The following SPTA1 variants were observed in gnomAD, a reference collection of about 807,000 sequenced individuals.
The protein encoded by SPTA1 is spectrin alpha, erythrocytic 1, also known as spectrin alpha chain, erythrocytic 1.
SPTA1 carries 177 observed loss-of-function variants against 324.7 expected under a neutral mutation model. That is an observed-to-expected ratio of 0.55 (90% CI 0.48 to 0.62). The LOEUF is 0.62. Among genes scored for constraint, SPTA1 ranks in the 20% least tolerant of loss-of-function variants. The pLI is 0.00. For missense variants in SPTA1, 3,162 were observed against 2,883.6 expected, an observed-to-expected ratio of 1.10 and a Z score of -2.21; for synonymous variants, 1,195 against 1,041.3, an observed-to-expected ratio of 1.15 and a Z score of -2.84.
At position 158,612,790 on chromosome 1, in the gene SPTA1, T is replaced by C. The variant is rs199503387; in HGVS notation, c.7134+27A>G. The C allele has an allele frequency of 1.9e-6, 3 of 1,613,134 alleles. 1 individual carries two copies. The Admixed American group carries it at 5.0e-5, about 27-fold the overall frequency. ...CAGAATTCAAATTAGGATGACAGTG[T>C]AGTAGGGGAAGCAACCAGAATCGGA... On this transcript the variant is annotated intron_variant, in intron 51 of 51. Coordinates refer to ENST00000643759, the MANE Select transcript of SPTA1 (RefSeq NM_003126.4).
rs1434849394 is a variant in SPTA1 at position 158,659,612 on chromosome 1, T to TTTTTTTTTTTTTTA, written c.2587+1674_2587+1675insTAAAAAAAAAAAAA. On this transcript the variant is annotated intron_variant, in intron 18 of 51. Transcript: ENST00000643759. Reference sequence around the variant, plus strand: ...TTAGCATTATTTTTTTTTTTTTTTTTTTTTTTTTTGAGACGGAGTCTCGCT... The same window carrying TTTTTTTTTTTTTTA: ...TTAGCATTATTTTTTTTTTTTTTTTTTTTTTTTTTTTTTATTTTTTTTTGAGACGGAGTCTCGCT... Among the ~76,000 whole-genome samples the TTTTTTTTTTTTTTA allele has an allele frequency of 5.6e-5, 2 of 35,632 alleles. 1 individual carries two copies. Among genetic ancestry groups the TTTTTTTTTTTTTTA allele is most frequent in the Non-Finnish European group, 8.4e-5 (2 of 23,854 alleles). The allele number at this position is 35,632 out of a possible 152,430, so 23.4% of individuals were successfully genotyped here.
At chr1:158,673,981 C>T (rs1040470724) in intron 10 of SPTA1, among the ~76,000 whole-genome samples, 7 of 152,046 alleles carry the variant, frequency 4.6e-5, no homozygotes, top group African/African-American at 1.4e-4. Flanking sequence ...CTAAATAATA[C>T]GGTATAACAA....
At chr1:158,623,673 A>G (rs1650072039) in intron 42 of SPTA1, among the ~76,000 whole-genome samples, 1 of 152,176 alleles carries the variant, frequency 6.6e-6, no homozygotes, top group Non-Finnish European at 1.5e-5. Context: ...CGCCATGATT[A>G]TAAGTTTCTT....
chr1:158,623,745 G>T (rs1650077765), intron 42 of SPTA1, among the ~76,000 whole-genome samples: 1 of 152,198 alleles, frequency 6.6e-6, no homozygotes, highest in African/African-American at 2.4e-5. Context: ...AAATTACCCA[G>T]TCTTGGGTAT....
At position 158,680,741 on chromosome 1, in the gene SPTA1, G is replaced by A. The variant is rs774303884; in HGVS notation, c.532-12C>T. On this transcript the variant is annotated splice_polypyrimidine_tract_variant and intron_variant, in intron 4 of 51. Coordinates refer to ENST00000643759, the MANE Select transcript of SPTA1 (RefSeq NM_003126.4). Reference sequence around the variant, plus strand: ...GTCGCTATAGCCTCCTGTAGACACAGAAGTTGATTGAGTTGCCAGCAAACA... The same window carrying A: ...GTCGCTATAGCCTCCTGTAGACACAAAAGTTGATTGAGTTGCCAGCAAACA... The A allele has an allele frequency of 6.2e-7, 1 of 1,613,384 alleles. No homozygotes were observed. Among genetic ancestry groups the A allele is most frequent in the African/African-American group, 1.3e-5 (1 of 74,998 alleles).
rs1654053304 is a variant in SPTA1 at position 158,671,922 on chromosome 1, T to C, written c.1488+137A>G. 2.7e-6 allele frequency: 3 copies of C among 1,106,298 alleles called. No individual in the cohort carries two copies. In the South Asian group the frequency reaches 4.0e-5, roughly 15 times the overall value. The allele number at this position is 1,106,298 out of a possible 1,614,324, so 68.5% of individuals were successfully genotyped here. A position where few individuals can be genotyped will look rare whatever the true frequency, so the allele number is the denominator to read the frequency against. ...ATAGAAAGGGCCCATCTTTTCTTTT[T>C]CTTGTGGATCACCCTTTAGTTCCCA... On this transcript the variant is annotated intron_variant, in intron 11 of 51. Coordinates refer to ENST00000643759, the MANE Select transcript of SPTA1 (RefSeq NM_003126.4).
Position 158,642,393 on chromosome 1 carries a change from A to G in SPTA1, c.4737+18T>C. 1 of 1,612,360 alleles carries G rather than the reference A, an allele frequency of 6.2e-7. No homozygotes were observed. The highest frequency in any genetic ancestry group is 8.5e-7 in the Non-Finnish European group (1 of 1,178,974). On this transcript the variant is annotated intron_variant, in intron 33 of 51. Transcript: ENST00000643759. ...TCTTCATGTGACTTTGTAGCCCAAAACTCATCCTGAGCTTTACCTTCATGG... is the reference window on the plus strand; with the variant it reads ...TCTTCATGTGACTTTGTAGCCCAAAGCTCATCCTGAGCTTTACCTTCATGG...
chr1:158,624,752 A>C (rs1238156396), intron 42 of SPTA1, among the ~76,000 whole-genome samples: 1 of 152,246 alleles, frequency 6.6e-6, no homozygotes, highest in Non-Finnish European at 1.5e-5. Flanking sequence ...TTAGATGCCA[A>C]AACTGTATAG....
At chr1:158,625,854 TA>T (rs575593769) in intron 42 of SPTA1, among the ~76,000 whole-genome samples, 1 of 150,468 alleles carries the variant, frequency 6.6e-6, no homozygotes, top group East Asian at 1.9e-4. Context: ...CCAAATAAAG[TA>T]AAAAAAGATA....
chr1:158,636,494 A>G lies in SPTA1; in HGVS notation c.5310+147T>C, dbSNP rs868776121. 4.2e-6 allele frequency: 4 copies of G among 943,706 alleles called. No individual in the cohort carries two copies. In the Middle Eastern group the frequency reaches 9.7e-4, roughly 229 times the overall value. The allele number at this position is 943,706 out of a possible 1,614,324, so 58.5% of individuals were successfully genotyped here. A position where few individuals can be genotyped will look rare whatever the true frequency, so the allele number is the denominator to read the frequency against. On this transcript the variant is annotated intron_variant, in intron 37 of 51. Transcript: ENST00000643759. ...TTATAGGAGACTAAATGTGGAAGAGAAAAGAATATTTGTAAACTCTTTGAC... is the reference window on the plus strand; with the variant it reads ...TTATAGGAGACTAAATGTGGAAGAGGAAAGAATATTTGTAAACTCTTTGAC...
rs369306747 is a variant in SPTA1 at position 158,651,926 on chromosome 1, CGTGT to C, written c.3376-462_3376-459del. 2.0e-3 allele frequency among the ~76,000 whole-genome samples: 300 copies of C among 149,558 alleles called. 2 individuals are homozygous for C. The highest frequency in any genetic ancestry group is 7.2e-3 in the African/African-American group (290 of 40,344). On this transcript the variant is annotated intron_variant, in intron 23 of 51. Coordinates refer to ENST00000643759, the MANE Select transcript of SPTA1 (RefSeq NM_003126.4). ...CTCTCTCTCTGTGTGTGTGTGTGCG[CGTGT>C]GTGTGTGTTAAATCCCACGTGGAAG...
chr1:158,618,165 A>C, intron 45 of SPTA1, 109 bp from the exon 46 acceptor site: 1 of 1,234,922 alleles, frequency 8.1e-7, no homozygotes, highest in South Asian at 1.2e-5. Context: ...AACATTTTAA[A>C]TCTTTTGTTG....
intron 40 of SPTA1, among the ~76,000 whole-genome samples, 190 bp from the exon 41 acceptor site, chr1:158,627,197 C>A (rs569709353): frequency 1.6e-4 from 24 of 152,086 alleles, no homozygotes; most frequent in Non-Finnish European, 3.1e-4. Flanking sequence ...GCAGTTAGAT[C>A]AATGAGGATT....
At position 158,636,050 on chromosome 1, in the gene SPTA1, G is replaced by C. The variant is rs562770165; in HGVS notation, c.5311-16C>G. On this transcript the variant is annotated splice_polypyrimidine_tract_variant and intron_variant, in intron 37 of 51. Coordinates refer to ENST00000643759, the MANE Select transcript of SPTA1 (RefSeq NM_003126.4). ...CCAGCACATTCTGAAGAACAACCCC[G>C]ATACATGTTCCATTACCCCACAATC... The C allele has an allele frequency of 6.2e-7, 1 of 1,613,840 alleles. No homozygotes were observed. Among genetic ancestry groups the C allele is most frequent in the African/African-American group, 1.3e-5 (1 of 74,858 alleles).
In SPTA1 at chr1:158,681,113, C is replaced by T. The variant is rs186433955; in HGVS notation, c.532-384G>A. Among the ~76,000 whole-genome samples the T allele has an allele frequency of 2.0e-5, 3 of 152,132 alleles. No homozygotes were observed. The East Asian group carries it at 5.8e-4, about 29-fold the overall frequency. On this transcript the variant is annotated intron_variant, in intron 4 of 51. Coordinates refer to ENST00000643759, the MANE Select transcript of SPTA1 (RefSeq NM_003126.4). ...CTTTAGTCCTAACTATTAAATTATTCCTTTAGTATTTAGAAAAATAAAACC... is the reference window on the plus strand; with the variant it reads ...CTTTAGTCCTAACTATTAAATTATTTCTTTAGTATTTAGAAAAATAAAACC...
At chr1:158,680,365 C>T (rs1314831307) in intron 5 of SPTA1, among the ~76,000 whole-genome samples, 4 of 152,078 alleles carry the variant, frequency 2.6e-5, no homozygotes, top group African/African-American at 9.7e-5. Context: ...CACAAAAACA[C>T]ACTCTCTCTT....
rs774428656 is a variant in SPTA1 at position 158,639,860 on chromosome 1, G to A, written c.4875+10C>T. Reference sequence around the variant, plus strand: ...ACTCTTGTGTCTCTACTGTTTCCGGGTGCAATTACCTCTGAGAGCCAGAAC... The same window carrying A: ...ACTCTTGTGTCTCTACTGTTTCCGGATGCAATTACCTCTGAGAGCCAGAAC... On this transcript the variant is annotated intron_variant, in intron 34 of 51. Coordinates refer to ENST00000643759, the MANE Select transcript of SPTA1 (RefSeq NM_003126.4). 1.9e-6 allele frequency: 3 copies of A among 1,613,866 alleles called. No individual in the cohort carries two copies. The highest frequency in any genetic ancestry group is 1.1e-5 in the South Asian group (1 of 91,076).
At chr1:158,622,837 G>C (rs951224289) in intron 43 of SPTA1, 146 bp downstream of exon 43, 3 of 778,304 alleles carry the variant, frequency 3.9e-6, no homozygotes, top group Non-Finnish European at 4.3e-6. Flanking sequence ...TCTACTTTTT[G>C]CTCAGTAAGA....
chr1:158,622,881 G>T (rs748136591), intron 43 of SPTA1, 102 bp downstream of exon 43: 3 of 1,065,734 alleles, frequency 2.8e-6, no homozygotes, highest in Non-Finnish European at 2.9e-6. Flanking sequence ...GCAATAAAAG[G>T]TTTTTGTATT....
Sources: gnomAD v4.1 joint callset for allele counts (sites outside exome capture counted in the v4.1 genomes callset) on GRCh38, gnomAD v4.1.1 for gene constraint, MANE v1.5 for transcripts, NCBI Gene and HGNC (gene_info 2026-07-23, HGNC 2026-07-21) for gene names.